DPYSL3: variants seen among roughly 807,000 people sequenced by gnomAD.
DPYSL3 encodes the protein dihydropyrimidinase like 3.
DPYSL3 carries 16 observed loss-of-function variants against 66.1 expected under a neutral mutation model. The observed-to-expected ratio is 0.24, with a 90% CI of 0.16 to 0.37. The LOEUF is 0.37. DPYSL3 is among the 10% of genes least tolerant of loss of function. The pLI, the probability that DPYSL3 is intolerant of heterozygous loss-of-function variation, is 1.00. For missense variants in DPYSL3, 738 were observed against 916.2 expected (o/e 0.81, Z 2.51); for synonymous variants, 338 against 345.1 (o/e 0.98, Z 0.23).
At chr5:147,418,671 G>T (rs772328769) in intron 2 of DPYSL3, 40 bp from the exon 3 acceptor site, 15 of 1,521,734 alleles carry the variant, frequency 9.9e-6, no homozygotes, top group East Asian at 2.3e-5. Context: ...CAAACACTTG[G>T]TCATTTAAAA....
intron 1 of DPYSL3, among the ~76,000 whole-genome samples, chr5:147,427,530 T>C (rs1294525778): frequency 2.6e-5 from 4 of 152,256 alleles, no homozygotes; most frequent in Non-Finnish European, 4.4e-5. Context: ...TGTGATATAC[T>C]ATTTTAACAG....
chr5:147,477,783 C>T (rs981027692), intron 1 of DPYSL3, among the ~76,000 whole-genome samples: 11 of 151,086 alleles, frequency 7.3e-5, no homozygotes, highest in African/African-American at 2.7e-4. Flanking sequence ...GGGGTTTCAC[C>T]TTGTTAGCCA....
At chr5:147,477,281 T>A (rs946063378) in intron 1 of DPYSL3, among the ~76,000 whole-genome samples, 2 of 152,086 alleles carry the variant, frequency 1.3e-5, no homozygotes, top group African/African-American at 4.8e-5. Context: ...TATTTACATA[T>A]GAAGAGAGAA....
chr5:147,510,009 T>C lies in DPYSL3; in HGVS notation c.-151A>G. On this transcript the variant is annotated 5_prime_UTR_variant, in exon 1 of 14. Transcript: ENST00000343218. ...CGGCAGTGCTGCTCCGATTCCTGCT[T>C]GTCCCTAGCGAGCCAGCGAGCCACA... 7.8e-7 allele frequency: 1 copy of C among 1,284,368 alleles called. No homozygotes were observed. 79.6% of individuals were successfully genotyped at this position (1,284,368 alleles called of 1,614,324 possible). A position where few individuals can be genotyped will look rare whatever the true frequency, so the allele number is the denominator to read the frequency against.
chr5:147,484,726 C>T (rs546450373), intron 1 of DPYSL3, among the ~76,000 whole-genome samples: 6 of 152,120 alleles, frequency 3.9e-5, no homozygotes, highest in Non-Finnish European at 8.8e-5. Context: ...CTCAGATAAC[C>T]GAATGCTTCA....
intron 1 of DPYSL3, among the ~76,000 whole-genome samples, chr5:147,460,179 C>T (rs1187113395): frequency 6.6e-6 from 1 of 152,110 alleles, no homozygotes. Context: ...ATCTCTGGCC[C>T]AGCATGTTAG....
At chr5:147,419,786 A>G (rs192478354) in intron 2 of DPYSL3, among the ~76,000 whole-genome samples, 9 of 152,234 alleles carry the variant, frequency 5.9e-5, no homozygotes, top group Admixed American at 2.6e-4. Flanking sequence ...ACTTTACCAC[A>G]TCACCACTGG....
intron 1 of DPYSL3, among the ~76,000 whole-genome samples, chr5:147,459,333 G>A (rs1417269776): frequency 6.6e-6 from 1 of 152,118 alleles, no homozygotes; most frequent in East Asian, 1.9e-4. Context: ...GAAGAGTTTT[G>A]AAGGGGAAAA....
intron 1 of DPYSL3, among the ~76,000 whole-genome samples, chr5:147,482,711 AT>A (rs918579578): frequency 3.3e-5 from 5 of 151,736 alleles, no homozygotes; most frequent in Admixed American, 6.6e-5. Flanking sequence ...ATTACTTCTG[AT>A]TTTTTTTTCT....
At chr5:147,397,185 TATATAC>T (rs1758014149) in intron 12 of DPYSL3, among the ~76,000 whole-genome samples, 4 of 121,562 alleles carry the variant, frequency 3.3e-5, no homozygotes, top group African/African-American at 1.3e-4. Context: ...TATATATATA[TATATAC>T]ACACATATCT....
chr5:147,509,378 C>T lies in DPYSL3; in HGVS notation c.381+100G>A. Reference sequence around the variant, plus strand: ...CTTTCCTCCTCCTTGTCCCCCAGCCCCGTGCAAAGTGAGCTGGAGAAAGTT... The same window carrying T: ...CTTTCCTCCTCCTTGTCCCCCAGCCTCGTGCAAAGTGAGCTGGAGAAAGTT... On this transcript the variant is annotated intron_variant, in intron 1 of 13. Transcript: ENST00000343218. This position sits in a 1 kb window ranked among gnomAD's most constrained non-coding sequence, Gnocchi z 5.3. The T allele has an allele frequency of 7.2e-7, 1 of 1,398,052 alleles. No homozygotes were observed. The highest frequency in any genetic ancestry group is 9.4e-7 in the Non-Finnish European group (1 of 1,064,278). 86.6% of individuals were successfully genotyped at this position (1,398,052 alleles called of 1,614,324 possible).
At chr5:147,480,705 ATTATTAT>A (rs1229803596) in intron 1 of DPYSL3, among the ~76,000 whole-genome samples, 38 of 44,680 alleles carry the variant, frequency 8.5e-4, no homozygotes, top group African/African-American at 3.1e-3. Flanking sequence ...ATATATATAT[ATTATTAT>A]TATTATTATT....
chr5:147,435,134 G>A (rs1028311628), intron 1 of DPYSL3, among the ~76,000 whole-genome samples: 5 of 152,070 alleles, frequency 3.3e-5, no homozygotes, highest in Non-Finnish European at 1.5e-5. Flanking sequence ...AGAGGAGAGA[G>A]GCAGGCAGAA....
intron 1 of DPYSL3, among the ~76,000 whole-genome samples, chr5:147,436,461 T>A (rs1752416197): frequency 1.3e-5 from 2 of 152,238 alleles, no homozygotes; most frequent in Non-Finnish European, 2.9e-5. Flanking sequence ...TGTGAGCTGA[T>A]CTGGAAGAAA....
At chr5:147,406,228 C>T (rs1235479159) in intron 7 of DPYSL3, 1 of 152,458 alleles carries the variant, frequency 6.6e-6, no homozygotes, top group Non-Finnish European at 1.5e-5. Flanking sequence ...AAATAATTCC[C>T]AGGTTTCTCA....
intron 1 of DPYSL3, among the ~76,000 whole-genome samples, chr5:147,432,654 C>T (rs1410258591): frequency 6.6e-6 from 1 of 152,172 alleles, no homozygotes; most frequent in Non-Finnish European, 1.5e-5. Flanking sequence ...AGAGAGATTC[C>T]ATTCTCAACG....
chr5:147,478,785 T>C (rs1235591930), intron 1 of DPYSL3, among the ~76,000 whole-genome samples: 1 of 152,186 alleles, frequency 6.6e-6, no homozygotes, highest in Non-Finnish European at 1.5e-5. Flanking sequence ...TCTATCTGTC[T>C]GTGGGACCTT....
In DPYSL3 at chr5:147,461,028, G is replaced by A. The variant is rs1253356835; in HGVS notation, c.382-36065C>T. 2.6e-5 allele frequency among the ~76,000 whole-genome samples: 4 copies of A among 152,118 alleles called. No individual in the cohort carries two copies. In the East Asian group the frequency reaches 7.7e-4, roughly 29 times the overall value. On this transcript the variant is annotated intron_variant, in intron 1 of 13. Transcript: ENST00000343218. Reference sequence around the variant, plus strand: ...ATCAAGGCTTCCCTTCTAATAAAAAGCAGCCCAAGAAAAGCAGCCTGGAAA... The same window carrying A: ...ATCAAGGCTTCCCTTCTAATAAAAAACAGCCCAAGAAAAGCAGCCTGGAAA...
intron 1 of DPYSL3, among the ~76,000 whole-genome samples, chr5:147,452,881 GCACACACACACACACACACACACACA>G (rs3995474): frequency 7.3e-6 from 1 of 137,350 alleles, no homozygotes; most frequent in African/African-American, 2.7e-5. Context: ...TGCATCGAAG[GCACACACACACACACACACACACACA>G]CACACACACA....
Sources: allele counts gnomAD v4.1 joint callset (sites outside exome capture counted in the v4.1 genomes callset), GRCh38; gene constraint gnomAD v4.1.1; non-coding constraint Gnocchi (gnomAD v3.1); transcripts MANE v1.5; gene names NCBI Gene and HGNC (gene_info 2026-07-23, HGNC 2026-07-21).